TRPC4: variants seen among roughly 807,000 people sequenced by gnomAD.
The protein encoded by TRPC4 is transient receptor potential cation channel subfamily C member 4.
Under a neutral mutation model 99.4 loss-of-function variants are expected in TRPC4, and 49 were observed. That is an observed-to-expected ratio of 0.49 (90% CI 0.39 to 0.63). The LOEUF (loss-of-function observed/expected upper bound fraction) is 0.63. Ranked by LOEUF, TRPC4 falls within the 20% of genes least tolerant of loss-of-function variation. The pLI is 0.00. For missense variants in TRPC4, 898 were observed against 1,152.9 expected (o/e 0.78, Z 3.20); for synonymous variants, 454 against 425.9 (o/e 1.07, Z -0.81).
At chr13:37,668,890 T>C (rs1387718910) in intron 5 of TRPC4, among the ~76,000 whole-genome samples, 1 of 152,176 alleles carries the variant, frequency 6.6e-6, no homozygotes, top group Admixed American at 6.5e-5. Flanking sequence ...CCAGTGTTTA[T>C]ACTGGCATAT....
intron 1 of TRPC4, among the ~76,000 whole-genome samples, chr13:37,789,142 A>T (rs1208764220): frequency 6.6e-6 from 1 of 152,176 alleles, no homozygotes; most frequent in Non-Finnish European, 1.5e-5. Flanking sequence ...AACCATTCAC[A>T]GGTAAAACAC....
chr13:37,642,739 T>C (rs150576397), intron 8 of TRPC4, among the ~76,000 whole-genome samples: 96,889 of 134,326 alleles, frequency 0.72, 34,459 homozygotes, highest in East Asian at 0.86. Flanking sequence ...TCTTTTTCTT[T>C]TTTTTTTTTT....
chr13:37,666,638 T>C (rs1952655465), intron 5 of TRPC4, among the ~76,000 whole-genome samples: 1 of 152,206 alleles, frequency 6.6e-6, no homozygotes, highest in African/African-American at 2.4e-5. Context: ...AGTCGATGAA[T>C]TTTCCACACC....
intron 5 of TRPC4, among the ~76,000 whole-genome samples, chr13:37,670,185 AT>A (rs1952789235): frequency 6.6e-6 from 1 of 152,178 alleles, no homozygotes. Flanking sequence ...CAAGAAATAA[AT>A]TTCTGTTGTT....
intron 3 of TRPC4, among the ~76,000 whole-genome samples, chr13:37,716,968 A>G (rs1056180103): frequency 1.3e-5 from 2 of 152,192 alleles, no homozygotes; most frequent in South Asian, 4.1e-4. Context: ...TAGACTGAAT[A>G]CATGTTTATA....
rs148720594 is a variant in TRPC4, at chr13:37,843,626, C to A, written c.-28+25969G>T. 9.2e-5 allele frequency among the ~76,000 whole-genome samples: 14 copies of A among 151,970 alleles called. No homozygotes were observed. In the East Asian group the frequency reaches 2.7e-3, roughly 29 times the overall value. ...TTAATGGCACAAAAATGATTTCAGT[C>A]CTGAGGGTGTCCAGGTATAGTGTTA... On this transcript the variant is annotated intron_variant, in intron 1 of 10. Transcript: ENST00000379705.
chr13:37,811,035 A>G (rs1957671914), intron 1 of TRPC4, among the ~76,000 whole-genome samples: 1 of 152,104 alleles, frequency 6.6e-6, no homozygotes, highest in Admixed American at 6.6e-5. Flanking sequence ...TCTTCTTTCA[A>G]ATACATTGTT....
intron 6 of TRPC4, among the ~76,000 whole-genome samples, chr13:37,661,517 C>A (rs979014816): frequency 4.6e-5 from 7 of 152,142 alleles, no homozygotes; most frequent in Admixed American, 6.5e-5. Flanking sequence ...GAAGTTCTTT[C>A]TGGAAGGCAA....
intron 1 of TRPC4, among the ~76,000 whole-genome samples, chr13:37,785,481 A>C (rs1255657538): frequency 2.0e-5 from 3 of 152,090 alleles, no homozygotes; most frequent in Non-Finnish European, 4.4e-5. Context: ...TCTTGGAAAA[A>C]TACATGAATT....
chr13:37,836,083 G>C (rs552155305), intron 1 of TRPC4, among the ~76,000 whole-genome samples: 4 of 152,128 alleles, frequency 2.6e-5, no homozygotes, highest in Non-Finnish European at 5.9e-5. Context: ...GAGTTCTCCT[G>C]CACGAGTTCT....
intron 1 of TRPC4, among the ~76,000 whole-genome samples, chr13:37,865,906 T>C (rs528793735): frequency 6.6e-6 from 1 of 151,928 alleles, no homozygotes; most frequent in East Asian, 1.9e-4. Context: ...AAGATAACAA[T>C]GAAAAATAGC....
At chr13:37,736,295 A>G (rs1955391743) in intron 3 of TRPC4, among the ~76,000 whole-genome samples, 2 of 152,122 alleles carry the variant, frequency 1.3e-5, no homozygotes, top group African/African-American at 2.4e-5. Flanking sequence ...TGTGTGCACA[A>G]CCATGGAGAA....
At chr13:37,642,301 G>A (rs759425448) in intron 8 of TRPC4, among the ~76,000 whole-genome samples, 9 of 152,162 alleles carry the variant, frequency 5.9e-5, no homozygotes, top group South Asian at 2.1e-4. Context: ...TGTGAGCGTT[G>A]ATATAGAAAC....
chr13:37,674,838 C>A (rs1952990853), intron 4 of TRPC4, among the ~76,000 whole-genome samples: 1 of 152,068 alleles, frequency 6.6e-6, no homozygotes, highest in Non-Finnish European at 1.5e-5. Flanking sequence ...CCTTCAGAGA[C>A]CGGACTTCAA....
intron 4 of TRPC4, among the ~76,000 whole-genome samples, chr13:37,685,841 G>C (rs1277995268): frequency 6.6e-6 from 1 of 151,992 alleles, no homozygotes; most frequent in African/African-American, 2.4e-5. Context: ...CACAATAACT[G>C]AAATCTTCAT....
At chr13:37,862,084 A>C (rs1959381985) in intron 1 of TRPC4, among the ~76,000 whole-genome samples, 1 of 151,494 alleles carries the variant, frequency 6.6e-6, no homozygotes, top group Non-Finnish European at 1.5e-5. Flanking sequence ...AGGAGCCCAC[A>C]AGAAAACACT....
At chr13:37,798,618 A>G (rs75747714) in intron 1 of TRPC4, among the ~76,000 whole-genome samples, 1 of 152,262 alleles carries the variant, frequency 6.6e-6, no homozygotes, top group East Asian at 1.9e-4. Flanking sequence ...ATACTTCCAA[A>G]TATCAATCAA....
At chr13:37,711,735 A>G (rs1954492772) in intron 3 of TRPC4, among the ~76,000 whole-genome samples, 1 of 152,076 alleles carries the variant, frequency 6.6e-6, no homozygotes, top group Non-Finnish European at 1.5e-5. Flanking sequence ...CCAGTAAACT[A>G]TAGACATTTA....
At chr13:37,729,797 A>G (rs1005494928) in intron 3 of TRPC4, among the ~76,000 whole-genome samples, 3 of 152,124 alleles carry the variant, frequency 2.0e-5, no homozygotes, top group Admixed American at 1.3e-4. Context: ...AAAGGCAGAA[A>G]CTGGAATGGT....
Sources: allele counts gnomAD v4.1 joint callset (sites outside exome capture counted in the v4.1 genomes callset), GRCh38; gene constraint gnomAD v4.1.1; transcripts MANE v1.5; gene names NCBI Gene and HGNC (gene_info 2026-07-23, HGNC 2026-07-21).